Variants in COL4A6 observed in about 807,000 individuals in gnomAD.
COL4A6 encodes the protein collagen type IV alpha 6 chain.
A neutral mutation model predicts 126.7 loss-of-function variants in COL4A6; 59 were observed. That is an observed-to-expected ratio of 0.47 (90% CI 0.38 to 0.58). The LOEUF (loss-of-function observed/expected upper bound fraction) is 0.58. COL4A6 is among the 20% of genes least tolerant of loss of function. The pLI, the probability that COL4A6 is intolerant of heterozygous loss-of-function variation, is 0.00. For missense variants in COL4A6, 1,285 were observed against 1,337.3 expected (o/e 0.96, Z 0.61); for synonymous variants, 547 against 496.6 (o/e 1.10, Z -1.35).
At chrX:108,271,322 T>C (rs928026234) in intron 3 of COL4A6, among the ~76,000 whole-genome samples, 4 of 111,737 alleles carry the variant, frequency 3.6e-5, no homozygotes, top group Non-Finnish European at 5.6e-5. Context: ...AGAGGGACAG[T>C]GGTACTTAAA....
rs879092734 is a variant in COL4A6 at position 108,205,785 on chromosome X, T to A, written c.610-90A>T. ...ATGTTGAGAGTCACTCCCCAGTAAC[T>A]CAGCCATCTTTCCTGCTTTGGCATA... is the stretch of plus-strand genomic sequence containing the variant. On this transcript the variant is annotated intron_variant, in intron 9 of 44. Coordinates refer to ENST00000334504, the MANE Select transcript of COL4A6 (RefSeq NM_033641.4). 1.4e-5 allele frequency: 11 copies of A among 759,148 alleles called. No homozygotes were observed. In the South Asian group the frequency reaches 2.2e-4, roughly 15 times the overall value. 62.6% of individuals were successfully genotyped at this position (759,148 alleles called of 1,213,427 possible).
chrX:108,221,279 G>A lies in COL4A6; in HGVS notation c.240C>T (p.Phe80=). ...GLSGLKGERG[F]PGLLGPYGPK... The stretch of plus-strand genomic sequence containing the variant: ...GTCCATAAGGTCCCAGAAGGCCTGG[G>A]AAACCCCTTTCTCCTTTCAATCCCG... Residue 80 remains phenylalanine, a synonymous_variant, in exon 4 of 45, where the codon TTC becomes TTT. Transcript: ENST00000334504. The A allele has an allele frequency of 2.5e-6, 3 of 1,211,627 alleles. No individual in the cohort carries two copies. The highest frequency in any genetic ancestry group is 3.4e-6 in the Non-Finnish European group (3 of 895,301).
intron 3 of COL4A6, among the ~76,000 whole-genome samples, chrX:108,302,470 TA>T (rs1365567144): frequency 1.8e-5 from 2 of 111,499 alleles, no homozygotes; most frequent in East Asian, 5.6e-4. Flanking sequence ...ATGAGGCTGA[TA>T]AAAATCTCAT....
intron 13 of COL4A6, among the ~76,000 whole-genome samples, chrX:108,201,534 A>G: frequency 9.0e-6 from 1 of 111,427 alleles, no homozygotes; most frequent in Non-Finnish European, 1.9e-5. Context: ...AAAAGCCCTT[A>G]CCTTTTAAAT....
intron 3 of COL4A6, among the ~76,000 whole-genome samples, chrX:108,244,719 T>A (rs184753680): frequency 2.7e-5 from 3 of 111,745 alleles, no homozygotes; most frequent in African/African-American, 9.7e-5. Context: ...GGTTCAACTG[T>A]CCTAACCACC....
chrX:108,425,025 G>A (rs1001943081), intron 2 of COL4A6, among the ~76,000 whole-genome samples: 1 of 110,637 alleles, frequency 9.0e-6, no homozygotes, highest in Non-Finnish European at 1.9e-5. Flanking sequence ...AAACCCATAA[G>A]TAAAATAAAT....
intron 2 of COL4A6, among the ~76,000 whole-genome samples, chrX:108,322,540 C>A (rs1370483090): frequency 8.9e-6 from 1 of 112,149 alleles, no homozygotes; most frequent in Non-Finnish European, 1.9e-5. Context: ...CTCTAGCCAG[C>A]CAGTATGAAC....
At chrX:108,247,162 G>C (rs1462032036) in intron 3 of COL4A6, among the ~76,000 whole-genome samples, 4 of 110,620 alleles carry the variant, frequency 3.6e-5, no homozygotes, top group African/African-American at 1.3e-4. Context: ...AGTGCTCACA[G>C]GCATAGATTC....
intron 2 of COL4A6, among the ~76,000 whole-genome samples, chrX:108,351,569 A>G (rs1350921511): frequency 1.8e-5 from 2 of 108,485 alleles, no homozygotes; most frequent in Middle Eastern, 8.7e-3. Flanking sequence ...CAACCCTGTG[A>G]TTGCAATCTA....
intron 11 of COL4A6, among the ~76,000 whole-genome samples, 162 bp downstream of exon 11, chrX:108,205,277 T>C (rs1382589818): frequency 1.8e-5 from 2 of 111,354 alleles, no homozygotes; most frequent in African/African-American, 6.5e-5. Context: ...TGTACACATG[T>C]AGCCCTCAAG....
chrX:108,428,891 C>T (rs1275360288), intron 2 of COL4A6, among the ~76,000 whole-genome samples: 1 of 111,716 alleles, frequency 9.0e-6, no homozygotes, highest in Non-Finnish European at 1.9e-5. Context: ...AAGCTATAGA[C>T]TTAGAAACTA....
chrX:108,172,457 A>G lies in COL4A6; in HGVS notation c.3202+12T>C. ...GAAGAAAACATTAAAAGAAAAAAAA[A>G]ATGCTCCTTACCTTTCAGGCCTGGG... On this transcript the variant is annotated intron_variant, in intron 32 of 44. Coordinates refer to ENST00000334504, the MANE Select transcript of COL4A6 (RefSeq NM_033641.4). 2 of 1,187,833 alleles carry G rather than the reference A, an allele frequency of 1.7e-6. No homozygotes were observed. The highest frequency in any genetic ancestry group is 1.1e-6 in the Non-Finnish European group (1 of 883,281).
chrX:108,399,576 T>C (rs982324541), intron 2 of COL4A6, among the ~76,000 whole-genome samples: 1 of 111,410 alleles, frequency 9.0e-6, no homozygotes, highest in African/African-American at 3.3e-5. Context: ...GTGTACTGTT[T>C]GTGCAAGTGT....
At chrX:108,296,529 A>C (rs946083135) in intron 3 of COL4A6, among the ~76,000 whole-genome samples, 6 of 112,115 alleles carry the variant, frequency 5.4e-5, no homozygotes, top group Non-Finnish European at 7.5e-5. Flanking sequence ...GCCCATTGGA[A>C]ACTGTTTTCT....
Position 108,296,932 on chromosome X carries a change from G to C in COL4A6, c.144+13816C>G, listed in dbSNP as rs138608397. 1.1e-3 allele frequency among the ~76,000 whole-genome samples: 121 copies of C among 111,680 alleles called. 5 individuals are homozygous for C. The East Asian group carries it at 0.033, about 31-fold the overall frequency. ...TTTTCAAAAAAGAGAGAGTGAAAAGGCATTTTAAATGCTGATGGTAGGTCA... is the reference window on the plus strand; with the variant it reads ...TTTTCAAAAAAGAGAGAGTGAAAAGCCATTTTAAATGCTGATGGTAGGTCA... On this transcript the variant is annotated intron_variant, in intron 3 of 44. Transcript: ENST00000334504.
chrX:108,385,404 A>C (rs974618464), intron 2 of COL4A6, among the ~76,000 whole-genome samples: 1 of 111,613 alleles, frequency 9.0e-6, no homozygotes, highest in Admixed American at 9.5e-5. Context: ...AAAATCTTTA[A>C]GATGGCAATA....
chrX:108,227,739 T>G (rs1292062653), intron 3 of COL4A6, among the ~76,000 whole-genome samples: 3 of 111,828 alleles, frequency 2.7e-5, no homozygotes, highest in Non-Finnish European at 5.6e-5. Context: ...TAAATGTTTC[T>G]TCTCAGACGT....
Position 108,178,776 on chromosome X carries a change from A to G in COL4A6, c.2423T>C (p.Val808Ala). The G allele has an allele frequency of 8.3e-7, 1 of 1,211,426 alleles. No individual in the cohort carries two copies. Among genetic ancestry groups the G allele is most frequent in the Non-Finnish European group, 1.1e-6 (1 of 895,368 alleles). ...AGATCCTGGGGTGCCTGGCTGTCCC[A>G]CCTGTCCTGGTGTCCCAGGGCTGCC... Reference protein sequence around the residue: ...ERGSPGTPGQVGQPGTPGSSG... With the variant: ...ERGSPGTPGQAGQPGTPGSSG... Residue 808 changes from valine to alanine, a missense_variant, in exon 27 of 45, where the codon GTG becomes GCG. By Grantham distance (64) the Val-to-Ala change is moderately conservative. Coordinates refer to ENST00000334504, the MANE Select transcript of COL4A6 (RefSeq NM_033641.4).
At chrX:108,225,204 C>T (rs2036134553) in intron 3 of COL4A6, among the ~76,000 whole-genome samples, 1 of 111,905 alleles carries the variant, frequency 8.9e-6, no homozygotes, top group South Asian at 3.8e-4. Context: ...CTTGAGGCTG[C>T]CCCTCCACTA....
Sources: allele counts gnomAD v4.1 joint callset (sites outside exome capture counted in the v4.1 genomes callset), GRCh38; gene constraint gnomAD v4.1.1; transcripts MANE v1.5; gene names NCBI Gene and HGNC (gene_info 2026-07-23, HGNC 2026-07-21).